The following BTRC variants were observed in gnomAD, a reference collection of about 807,000 sequenced individuals.
BTRC encodes the protein beta-transducin repeat containing E3 ubiquitin protein ligase, also known as F-box/WD repeat-containing protein 1A.
BTRC carries 42 observed loss-of-function variants against 85.5 expected under a neutral mutation model. That is an observed-to-expected ratio of 0.49 (90% CI 0.38 to 0.64). BTRC has a LOEUF of 0.64. BTRC is among the 30% of genes least tolerant of loss of function. The pLI, the probability that BTRC is intolerant of heterozygous loss-of-function variation, is 0.00. For missense variants in BTRC, 594 were observed against 743.5 expected (o/e 0.80, Z 2.34); for synonymous variants, 255 against 263.3 (o/e 0.97, Z 0.30).
At chr10:101,512,196 C>A (rs1226480087) in intron 4 of BTRC, among the ~76,000 whole-genome samples, 1 of 152,068 alleles carries the variant, frequency 6.6e-6, no homozygotes, top group African/African-American at 2.4e-5. Context: ...GTTGTCCTGC[C>A]CCTCCTAGGC....
At chr10:101,541,495 C>T (rs545865117) in intron 13 of BTRC, among the ~76,000 whole-genome samples, 33 of 152,176 alleles carry the variant, frequency 2.2e-4, no homozygotes, top group African/African-American at 7.7e-4. Flanking sequence ...CTCCTGACCT[C>T]GTGATCCAGC....
intron 2 of BTRC, among the ~76,000 whole-genome samples, chr10:101,443,578 A>T (rs143194545): frequency 6.6e-6 from 1 of 152,212 alleles, no homozygotes; most frequent in South Asian, 2.1e-4. Flanking sequence ...CATATTAAAG[A>T]TATAGAAACA....
intron 2 of BTRC, among the ~76,000 whole-genome samples, chr10:101,454,873 A>G (rs568283584): frequency 6.6e-6 from 1 of 152,242 alleles, no homozygotes; most frequent in South Asian, 2.1e-4. Flanking sequence ...GGCAGAAAAG[A>G]TGTGTTGTGG....
At chr10:101,426,541 AAATTCTTT>A (rs1944256481) in intron 1 of BTRC, among the ~76,000 whole-genome samples, 2 of 152,190 alleles carry the variant, frequency 1.3e-5, no homozygotes, top group South Asian at 4.1e-4. Context: ...AAGCACTTTC[AAATTCTTT>A]GTTGTTAGTA....
Position 101,521,713 on chromosome 10 carries a change from A to C in BTRC, c.399A>C (p.Glu133Asp), listed in dbSNP as rs2062108754. The change falls in exon 5 of 15, where the codon GAA becomes GAC. Residue 133 changes from glutamate (E) to aspartate (D), a missense_variant. Transcript: ENST00000370187. ...AACTCTCAGCAAGCTATGAAAAGGA[A>C]AAGGAACTGTGTGTCAAATACTTTG... is the stretch of plus-strand genomic sequence containing the variant. ...QRKLSASYEK[E>D]KELCVKYFEQ... 4 of 1,614,218 alleles carry C rather than the reference A, an allele frequency of 2.5e-6. No homozygotes were observed. The East Asian group carries it at 8.9e-5, about 36-fold the overall frequency.
intron 7 of BTRC, among the ~76,000 whole-genome samples, 159 bp downstream of exon 7, chr10:101,531,492 T>C (rs9420859): frequency 0.37 from 56,296 of 151,948 alleles, 11,609 homozygotes; most frequent in Middle Eastern, 0.49. Context: ...AATCCCAGCA[T>C]TTTTGGAGGC....
At chr10:101,375,818 G>A (rs754190275) in intron 1 of BTRC, among the ~76,000 whole-genome samples, 1 of 152,090 alleles carries the variant, frequency 6.6e-6, no homozygotes, top group East Asian at 1.9e-4. Flanking sequence ...TACTTGGTAC[G>A]CCTAAAAAAT....
At chr10:101,448,042 G>A (rs930640256) in intron 2 of BTRC, among the ~76,000 whole-genome samples, 6 of 152,068 alleles carry the variant, frequency 3.9e-5, no homozygotes, top group Non-Finnish European at 5.9e-5. Flanking sequence ...AGATAGTTAC[G>A]GTGTGGAAAG....
At chr10:101,493,755 C>T (rs544660437) in intron 4 of BTRC, among the ~76,000 whole-genome samples, 3 of 152,138 alleles carry the variant, frequency 2.0e-5, no homozygotes, top group Admixed American at 1.3e-4. Context: ...AAATTAAAAA[C>T]GCCTCAATTA....
chr10:101,508,814 T>TGAGGCAGGAGAATGGCGTG (rs1946609337), intron 4 of BTRC, among the ~76,000 whole-genome samples: 1 of 149,348 alleles, frequency 6.7e-6, no homozygotes, highest in East Asian at 2.0e-4. Flanking sequence ...CTGGGGAGGC[T>TGAGGCAGGAGAATGGCGTG]GAGGCAGGAG....
chr10:101,360,622 C>T (rs977402485), intron 1 of BTRC, among the ~76,000 whole-genome samples: 6 of 150,320 alleles, frequency 4.0e-5, no homozygotes, highest in African/African-American at 7.4e-5. Context: ...CCGACCGCCT[C>T]GGCCTCCCAA....
intron 1 of BTRC, among the ~76,000 whole-genome samples, chr10:101,369,697 A>C (rs1006519014): frequency 6.6e-6 from 1 of 152,210 alleles, no homozygotes; most frequent in Admixed American, 6.5e-5. Flanking sequence ...ACAGGTGCAC[A>C]TTGCACATTT....
chr10:101,421,486 C>T (rs961479456), intron 1 of BTRC, among the ~76,000 whole-genome samples: 1 of 151,926 alleles, frequency 6.6e-6, no homozygotes, highest in South Asian at 2.1e-4. Context: ...TTTTATTATA[C>T]TTTAAGTTCT....
At chr10:101,462,157 ATATT>A in intron 3 of BTRC, 99 bp downstream of exon 3, 4 of 954,122 alleles carry the variant, frequency 4.2e-6, no homozygotes, top group Non-Finnish European at 6.4e-6. Context: ...ACTGGAGCTT[ATATT>A]AAGAGTACTC....
chr10:101,429,338 C>T (rs1360678423), intron 1 of BTRC, among the ~76,000 whole-genome samples: 3 of 152,050 alleles, frequency 2.0e-5, no homozygotes, highest in East Asian at 3.9e-4. Flanking sequence ...ATACTAATGT[C>T]AGTTACTTAG....
chr10:101,379,537 A>C (rs2133956667), intron 1 of BTRC, among the ~76,000 whole-genome samples: 1 of 152,304 alleles, frequency 6.6e-6, no homozygotes, highest in South Asian at 2.1e-4. Flanking sequence ...ATATGTTATA[A>C]ATTATAGTAT....
At chr10:101,523,747 CTT>C (rs1309235720) in intron 5 of BTRC, among the ~76,000 whole-genome samples, 7 of 152,104 alleles carry the variant, frequency 4.6e-5, no homozygotes, top group East Asian at 1.9e-4. Context: ...AATACATTCT[CTT>C]AATGTATTTT....
intron 1 of BTRC, among the ~76,000 whole-genome samples, chr10:101,366,941 TATATATTTATATATATATTTATATAA>T (rs1942443301): frequency 7.8e-5 from 1 of 12,774 alleles, no homozygotes; most frequent in Non-Finnish European, 1.1e-4. Context: ...TATATATTTA[TATATATTTATATATATATTTATATAA>T]ATATATATTT....
intron 4 of BTRC, among the ~76,000 whole-genome samples, chr10:101,492,486 A>AT (rs953770929): frequency 6.6e-6 from 1 of 152,012 alleles, no homozygotes; most frequent in Non-Finnish European, 1.5e-5. Context: ...CAGTTTGTAT[A>AT]TTTTTCTCTT....
Sources: allele counts gnomAD v4.1 joint callset (sites outside exome capture counted in the v4.1 genomes callset), GRCh38; gene constraint gnomAD v4.1.1; transcripts MANE v1.5; gene names NCBI Gene and HGNC (gene_info 2026-07-23, HGNC 2026-07-21).